The following DIP2C variants were observed in gnomAD, a reference collection of about 807,000 sequenced individuals.
The protein encoded by DIP2C is DIP2 acetate--CoA ligase C (putative).
DIP2C carries 33 observed loss-of-function variants against 192.4 expected under a neutral mutation model. That is an observed-to-expected ratio of 0.17 (90% confidence interval 0.13 to 0.23). The LOEUF (loss-of-function observed/expected upper bound fraction) is 0.23. DIP2C is among the 10% of genes least tolerant of loss of function. DIP2C has a pLI of 1.00. For synonymous variants in DIP2C, 979 were observed against 864.1 expected (o/e 1.13, Z -2.33); for missense variants, 1,537 against 2,110.1 (o/e 0.73, Z 5.32).
intron 17 of DIP2C, among the ~76,000 whole-genome samples, chr10:377,977 A>C (rs549928618): frequency 1.3e-5 from 2 of 152,328 alleles, no homozygotes; most frequent in South Asian, 4.1e-4. Context: ...CGTAGCTTTA[A>C]GAAAATCAAG....
At chr10:678,893 C>T (rs1209341995) in intron 1 of DIP2C, among the ~76,000 whole-genome samples, 1 of 27,066 alleles carries the variant, frequency 3.7e-5, no homozygotes, top group Non-Finnish European at 9.0e-5. Flanking sequence ...CCCATCCTCC[C>T]CCCACCCATG....
intron 1 of DIP2C, among the ~76,000 whole-genome samples, chr10:613,369 A>C (rs900480017): frequency 2.0e-5 from 3 of 152,166 alleles, no homozygotes; most frequent in Non-Finnish European, 2.9e-5. Flanking sequence ...GCACGCCTGC[A>C]TCTGAGCTGA....
rs181426123 is a variant in DIP2C, at chr10:499,887, T to A, written c.86-13357A>T. On this transcript the variant is annotated intron_variant, in intron 1 of 36. Transcript: ENST00000280886. ...CTTTATCATAGAGCAAGCATGGATA[T>A]GCCAGCCCCTCGAACTTGTTAATAG... is the stretch of plus-strand genomic sequence containing the variant. Among the ~76,000 whole-genome samples, 20 of 152,350 alleles carry A rather than the reference T, an allele frequency of 1.3e-4. No homozygotes were observed. The East Asian group carries it at 2.3e-3, about 18-fold the overall frequency.
chr10:546,555 G>C (rs1235768989), intron 1 of DIP2C, among the ~76,000 whole-genome samples: 2 of 152,186 alleles, frequency 1.3e-5, no homozygotes, highest in East Asian at 1.9e-4. Context: ...ATTTTTCACT[G>C]TGCTTTCACA....
At chr10:348,863 A>C (rs1385618100) in intron 25 of DIP2C, 101 bp from the exon 26 acceptor site, 1 of 1,528,936 alleles carries the variant, frequency 6.5e-7, no homozygotes, top group Non-Finnish European at 8.8e-7. Flanking sequence ...TTCAACAGGG[A>C]AACGAGCAGC....
intron 1 of DIP2C, among the ~76,000 whole-genome samples, chr10:531,564 C>T (rs982622564): frequency 2.6e-5 from 4 of 152,324 alleles, no homozygotes; most frequent in African/African-American, 4.8e-5. Context: ...CCCAGTCTGA[C>T]GGAAGCGTCT....
At chr10:567,795 A>AC (rs1390726251) in intron 1 of DIP2C, among the ~76,000 whole-genome samples, 1 of 151,722 alleles carries the variant, frequency 6.6e-6, no homozygotes, top group African/African-American at 2.4e-5. Context: ...ACACCACCTC[A>AC]CCCTGCTGAT....
At position 366,344 on chromosome 10, in the gene DIP2C, C is replaced by A. The variant is rs372064755; in HGVS notation, c.2199G>T (p.Leu733=). 1.9e-5 allele frequency: 31 copies of A among 1,614,096 alleles called. No individual in the cohort carries two copies. The South Asian group carries it at 2.7e-4, about 14-fold the overall frequency. Residue 733 remains leucine (L), a synonymous_variant, in exon 19 of 37, where the codon CTG becomes CTT. Transcript: ENST00000280886. ...QLCRTDEIGE[L]CVCAVATGTS... ...TGCCCGTCGCAACTGCACACACACA[C>A]AGCTCCCCGATCTCATCCGTTCTGC...
At chr10:465,131 A>C (rs1450369131) in intron 3 of DIP2C, among the ~76,000 whole-genome samples, 2 of 119,512 alleles carry the variant, frequency 1.7e-5, no homozygotes. Context: ...TGATGCAAAA[A>C]TCCTCAATAA....
At chr10:589,787 T>G (rs1368238899) in intron 1 of DIP2C, among the ~76,000 whole-genome samples, 1 of 152,162 alleles carries the variant, frequency 6.6e-6, no homozygotes, top group Non-Finnish European at 1.5e-5. Flanking sequence ...TATGCAGAGG[T>G]GAGGCCTCAA....
At chr10:573,716 T>TC (rs1201909949) in intron 1 of DIP2C, among the ~76,000 whole-genome samples, 8 of 152,150 alleles carry the variant, frequency 5.3e-5, no homozygotes, top group Non-Finnish European at 7.3e-5. Flanking sequence ...GCTTTTTTTT[T>TC]CCTCTTTTCT....
At chr10:438,187 G>C (rs369111071) in intron 4 of DIP2C, among the ~76,000 whole-genome samples, 12 of 152,240 alleles carry the variant, frequency 7.9e-5, no homozygotes, top group African/African-American at 2.9e-4. Context: ...TCTGTACAAT[G>C]AGGTTATTCA....
At chr10:661,963 A>G (rs1588711789) in intron 1 of DIP2C, 1 of 703,300 alleles carries the variant, frequency 1.4e-6, no homozygotes, top group East Asian at 2.7e-5. Context: ...TGACCCAGGC[A>G]CTGAATCGCT....
At chr10:620,097 A>G (rs150023830) in intron 1 of DIP2C, among the ~76,000 whole-genome samples, 1,651 of 152,262 alleles carry the variant, frequency 0.011, 32 homozygotes, top group African/African-American at 0.037. Flanking sequence ...TCAGGGTCAC[A>G]TGTGGCTGAA....
At chr10:466,292 G>A (rs1970193823) in intron 3 of DIP2C, among the ~76,000 whole-genome samples, 1 of 149,374 alleles carries the variant, frequency 6.7e-6, no homozygotes, top group Non-Finnish European at 1.5e-5. Context: ...ATGGGGAAAG[G>A]ATTCCCTATT....
At chr10:369,669 C>T (rs953284762) in intron 17 of DIP2C, 36 bp from the exon 18 acceptor site, 4 of 1,613,832 alleles carry the variant, frequency 2.5e-6, no homozygotes, top group Non-Finnish European at 3.4e-6. Context: ...TATGCAGGAG[C>T]AGATAAGCCA....
intron 3 of DIP2C, among the ~76,000 whole-genome samples, chr10:450,695 A>G (rs749495078): frequency 1.3e-5 from 2 of 152,112 alleles, no homozygotes; most frequent in Admixed American, 1.3e-4. Flanking sequence ...GGGTGACGAC[A>G]GGCCAACCAA....
At chr10:404,982 T>C (rs1390027239) in intron 9 of DIP2C, among the ~76,000 whole-genome samples, 1 of 152,234 alleles carries the variant, frequency 6.6e-6, no homozygotes, top group Non-Finnish European at 1.5e-5. Flanking sequence ...ACATTACCAC[T>C]GCTGTACAAC....
At chr10:300,072 A>G (rs1955947200) in intron 32 of DIP2C, among the ~76,000 whole-genome samples, 1 of 152,232 alleles carries the variant, frequency 6.6e-6, no homozygotes, top group Non-Finnish European at 1.5e-5. Context: ...GGAAGGTAAA[A>G]CAATGCAGCG....
Sources: gnomAD v4.1 joint callset for allele counts (sites outside exome capture counted in the v4.1 genomes callset) on GRCh38, gnomAD v4.1.1 for gene constraint, MANE v1.5 for transcripts, NCBI Gene and HGNC (gene_info 2026-07-23, HGNC 2026-07-21) for gene names.